GARIN5A: variants seen among roughly 807,000 people sequenced by gnomAD.
GARIN5A encodes the protein Golgi-associated RAB2 interactor protein 5A.
chr19:50,472,013 CGT>C, the GARIN5A span, among the ~76,000 whole-genome samples: 17 of 128,748 alleles, frequency 1.3e-4, no homozygotes, highest in African/African-American at 4.3e-4. Flanking sequence ...TGTATATATA[CGT>C]GTGTATATGT....
the GARIN5A span, among the ~76,000 whole-genome samples, chr19:50,471,764 G>A: frequency 7.8e-5 from 10 of 128,726 alleles, no homozygotes; most frequent in East Asian, 2.3e-4. Context: ...ATGTGTATAC[G>A]CATACATACC....
chr19:50,471,744 G>A, the GARIN5A span, among the ~76,000 whole-genome samples: 2 of 145,644 alleles, frequency 1.4e-5, no homozygotes, highest in African/African-American at 5.3e-5. Flanking sequence ...GTGTGTATAC[G>A]CATACATGCA....
chr19:50,476,451 A>G, the GARIN5A span: 1 of 1,561,280 alleles, frequency 6.4e-7, no homozygotes, highest in Admixed American at 1.8e-5. Context: ...GGCCCAGCGC[A>G]GGCGCACGGG....
the GARIN5A span, among the ~76,000 whole-genome samples, chr19:50,472,258 T>C: frequency 2.9e-5 from 2 of 67,802 alleles, no homozygotes; most frequent in African/African-American, 1.2e-4. Context: ...TATACATGTA[T>C]GTGTGTATAT....
the GARIN5A span, among the ~76,000 whole-genome samples, chr19:50,472,278 T>A: frequency 6.7e-4 from 101 of 151,736 alleles, no homozygotes; most frequent in Admixed American, 4.4e-3. Flanking sequence ...TATGTATATA[T>A]ACATGTATGT....
chr19:50,471,694 ACG>A, the GARIN5A span, among the ~76,000 whole-genome samples: 1 of 147,192 alleles, frequency 6.8e-6, no homozygotes, highest in South Asian at 2.1e-4. Flanking sequence ...GTGTGTGTAT[ACG>A]CATACATGCA....
chr19:50,468,113 C>G, the GARIN5A span, among the ~76,000 whole-genome samples: 1 of 152,200 alleles, frequency 6.6e-6, no homozygotes, highest in Admixed American at 6.5e-5. Flanking sequence ...GTGATCCCAG[C>G]CCTTTGGGAG....
the GARIN5A span, among the ~76,000 whole-genome samples, chr19:50,471,821 T>C: frequency 7.0e-6 from 1 of 143,814 alleles, no homozygotes; most frequent in Non-Finnish European, 1.5e-5. Context: ...CATACCTGTG[T>C]GTATACGCAT....
At chr19:50,470,817 GCT>G in the GARIN5A span, among the ~76,000 whole-genome samples, 1 of 151,746 alleles carries the variant, frequency 6.6e-6, no homozygotes, top group East Asian at 2.0e-4. Context: ...ACCATGCCCG[GCT>G]AATTTTTGTA....
chr19:50,475,478 G>A, the GARIN5A span: 10 of 1,586,686 alleles, frequency 6.3e-6, no homozygotes, highest in Admixed American at 1.2e-4. Context: ...GTCAGAGGTC[G>A]GGGCAGGATA....
At chr19:50,471,683 CGTGTGTGT>C in the GARIN5A span, among the ~76,000 whole-genome samples, 2 of 143,358 alleles carry the variant, frequency 1.4e-5, no homozygotes, top group Non-Finnish European at 3.0e-5. Context: ...CATACATGCA[CGTGTGTGT>C]ATACGCATAC....
At chr19:50,471,930 GTA>G in the GARIN5A span, among the ~76,000 whole-genome samples, 3 of 150,688 alleles carry the variant, frequency 2.0e-5, no homozygotes, top group Admixed American at 6.6e-5. Context: ...GTATATACAT[GTA>G]TGTGTGTAAG....
At chr19:50,471,553 AG>A in the GARIN5A span, among the ~76,000 whole-genome samples, 1 of 152,272 alleles carries the variant, frequency 6.6e-6, no homozygotes, top group Non-Finnish European at 1.5e-5. Flanking sequence ...TACAGGTGTG[AG>A]CCATCACACC....
the GARIN5A span, chr19:50,476,272 T>G: frequency 1.2e-6 from 2 of 1,607,906 alleles, no homozygotes; most frequent in Non-Finnish European, 1.7e-6. Context: ...CTACGCGCAC[T>G]GTGACGTCAT....
the GARIN5A span, chr19:50,475,783 G>A: frequency 7.4e-7 from 1 of 1,358,116 alleles, no homozygotes; most frequent in Non-Finnish European, 1.1e-6. Flanking sequence ...TCAGGAGGAG[G>A]TCGAGGGGCA....
the GARIN5A span, among the ~76,000 whole-genome samples, chr19:50,472,189 T>C: frequency 7.8e-6 from 1 of 127,966 alleles, no homozygotes; most frequent in East Asian, 2.0e-4. Flanking sequence ...TATGTATACA[T>C]GTATGTGTGC....
the GARIN5A span, chr19:50,475,449 G>C: frequency 2.5e-6 from 4 of 1,604,612 alleles, no homozygotes; most frequent in Non-Finnish European, 3.4e-6. Context: ...TCTCCCAACC[G>C]AGTCACCTGG....
At chr19:50,476,150 A>C in the GARIN5A span, 3 of 1,613,060 alleles carry the variant, frequency 1.9e-6, no homozygotes, top group Non-Finnish European at 2.5e-6. Context: ...ACCTGGTTCC[A>C]CCTCGCCAGC....
At chr19:50,472,193 T>A in the GARIN5A span, among the ~76,000 whole-genome samples, 1 of 151,150 alleles carries the variant, frequency 6.6e-6, no homozygotes, top group Non-Finnish European at 1.5e-5. Flanking sequence ...TATACATGTA[T>A]GTGTGCATGT....
Sources: gnomAD v4.1 joint callset for allele counts (sites outside exome capture counted in the v4.1 genomes callset) on GRCh38, gnomAD v4.1.1 for gene constraint, MANE v1.5 for transcripts, NCBI Gene and HGNC (gene_info 2026-07-23, HGNC 2026-07-21) for gene names.